The following YJU2 variants were observed in gnomAD, a reference collection of about 807,000 sequenced individuals.
YJU2 encodes the protein splicing factor YJU2.
In YJU2, 28 loss-of-function variants were observed where a neutral mutation model predicts 39.6. That is an observed-to-expected ratio of 0.71 (90% CI 0.52 to 0.97). The LOEUF is 0.97. YJU2 is among the 50% of genes least tolerant of loss of function. YJU2 has a pLI of 0.00. For missense variants in YJU2, 328 were observed against 430.4 expected, an observed-to-expected ratio of 0.76 and a Z score of 2.11; for synonymous variants, 184 against 182.4, an observed-to-expected ratio of 1.01 and a Z score of -0.07.
intron 3 of YJU2, among the ~76,000 whole-genome samples, chr19:4,252,689 T>G (rs1599497041): frequency 1.3e-5 from 2 of 151,800 alleles, no homozygotes; most frequent in East Asian, 3.9e-4. Context: ...CTTTGAGAGG[T>G]CAAGGGAGAA....
intron 2 of YJU2, among the ~76,000 whole-genome samples, chr19:4,250,742 C>CACAAAGA (rs1194520373): frequency 2.0e-5 from 3 of 151,974 alleles, no homozygotes; most frequent in African/African-American, 7.2e-5. Flanking sequence ...GCCCCGTAAG[C>CACAAAGA]ACAAAGATTG....
chr19:4,259,791 G>T (rs1971056370), intron 5 of YJU2, among the ~76,000 whole-genome samples: 1 of 152,134 alleles, frequency 6.6e-6, no homozygotes, highest in African/African-American at 2.4e-5. Flanking sequence ...ACAGGGACGT[G>T]GTGGCCTCTC....
chr19:4,264,467 C>T (rs926055888), intron 6 of YJU2, among the ~76,000 whole-genome samples: 8 of 150,018 alleles, frequency 5.3e-5, no homozygotes, highest in African/African-American at 1.5e-4. Flanking sequence ...ACCACCACGC[C>T]TGGCTAATTT....
chr19:4,248,716 C>T lies in YJU2; in HGVS notation c.25-512C>T, dbSNP rs149664208. 6.2e-3 allele frequency among the ~76,000 whole-genome samples: 944 copies of T among 152,164 alleles called. 13 individuals carry two copies. The highest frequency in any genetic ancestry group is 0.022 in the African/African-American group (904 of 41,494). On this transcript the variant is annotated intron_variant, in intron 1 of 7. Transcript: ENST00000262962. ...GGTGGATCACCTGAGGTCAGGAGTT[C>T]GAGACTAGCCTGGCCAACATGGTGA...
chr19:4,267,797 G>A (rs1453806849), intron 7 of YJU2, 23 bp downstream of exon 7: 17 of 1,598,478 alleles, frequency 1.1e-5, no homozygotes, highest in Non-Finnish European at 1.5e-5. Context: ...AGTTCCCAGA[G>A]CCGGGCGCGG....
chr19:4,253,393 A>G (rs1970993594), intron 3 of YJU2, among the ~76,000 whole-genome samples: 3 of 152,174 alleles, frequency 2.0e-5, no homozygotes, highest in Admixed American at 1.3e-4. Flanking sequence ...CCTGGGCAAC[A>G]TGGCGAAACC....
chr19:4,258,390 G>C lies in YJU2; in HGVS notation c.554G>C (p.Arg185Thr), dbSNP rs1329270144. ...QHRLSEEERR[R>T]QQQEEDEQET... The stretch of plus-strand genomic sequence containing the variant: ...CGCCTGTCGGAGGAGGAGCGGCGGA[G>C]GCAGCAGCAGGAGGAGGACGAGCAG... The change falls in exon 5 of 8, where the codon AGG becomes ACG. Residue 185 changes from arginine to threonine, a missense_variant. By Grantham distance (71) the Arg-to-Thr change is moderately conservative (BLOSUM62 -1). Around this residue, in one of 2 missense-constraint regions of YJU2, gnomAD observed 244 missense variants for 264.6 expected, o/e 0.92. Transcript: ENST00000262962. The C allele has an allele frequency of 6.3e-7, 1 of 1,596,682 alleles. No homozygotes were observed. The highest frequency in any genetic ancestry group is 8.5e-7 in the Non-Finnish European group (1 of 1,173,760).
intron 1 of YJU2, among the ~76,000 whole-genome samples, chr19:4,247,614 T>C (rs1180995833): frequency 0.013 from 196 of 14,784 alleles, 25 homozygotes; most frequent in East Asian, 0.033. Context: ...TGTGTGTGTG[T>C]GTGTGTGTGT....
At chr19:4,259,353 G>A (rs930309417) in intron 5 of YJU2, among the ~76,000 whole-genome samples, 1 of 151,826 alleles carries the variant, frequency 6.6e-6, no homozygotes, top group African/African-American at 2.4e-5. Context: ...TGCTGGGATT[G>A]CAGGCGTGAG....
intron 6 of YJU2, among the ~76,000 whole-genome samples, chr19:4,265,162 A>G (rs1223423115): frequency 6.6e-6 from 1 of 152,046 alleles, no homozygotes; most frequent in Admixed American, 6.6e-5. Flanking sequence ...TTTGGTTTTA[A>G]CGTGATTCAC....
Position 4,258,254 on chromosome 19 carries a change from C to A in YJU2, c.418C>A (p.Arg140=), listed in dbSNP as rs769486104. The A allele has an allele frequency of 2.6e-6, 4 of 1,553,132 alleles. No individual in the cohort carries two copies. The South Asian group carries it at 3.6e-5, about 14-fold the overall frequency. ...CCGCGCCCGCCAGGTGCTGGAGAAC[C>A]GGACCAAGGACTCCAAGCTGGAGAT... ...LNNPMKVLEN[R]TKDSKLEMEV... is the part of the protein sequence containing the mutation. Residue 140 remains arginine, a synonymous_variant, in exon 5 of 8, where the codon CGG becomes AGG. Transcript: ENST00000262962.
chr19:4,258,556 A>G (rs1342027974), intron 5 of YJU2, 133 bp downstream of exon 5: 2 of 1,363,346 alleles, frequency 1.5e-6, no homozygotes, highest in Non-Finnish European at 1.9e-6. Flanking sequence ...CGCCCATCTC[A>G]CTTTCTCCCT....
intron 6 of YJU2, among the ~76,000 whole-genome samples, chr19:4,263,627 T>C (rs1711757772): frequency 6.6e-6 from 1 of 151,256 alleles, no homozygotes; most frequent in Non-Finnish European, 1.5e-5. Flanking sequence ...CTGGCCAACA[T>C]GGAGAAACCC....
rs1970924005 is a variant in YJU2, at chr19:4,247,084, A to T, written c.-63A>T. ...TGCGGAAGTAAGGCTTCCGTCGGAA[A>T]AGCTCGATAATTACCCAGCCTAACC... is the stretch of plus-strand genomic sequence containing the variant. On this transcript the variant is annotated 5_prime_UTR_variant, in exon 1 of 8. Transcript: ENST00000262962. 5 of 1,522,946 alleles carry T rather than the reference A, an allele frequency of 3.3e-6. No individual in the cohort carries two copies. The highest frequency in any genetic ancestry group is 2.2e-5 in the East Asian group (1 of 44,474). The allele number at this position is 1,522,946 out of a possible 1,614,324, so 94.3% of individuals were successfully genotyped here.
chr19:4,249,413 T>C, intron 2 of YJU2, 85 bp downstream of exon 2: 1 of 834,408 alleles, frequency 1.2e-6, no homozygotes, highest in East Asian at 2.6e-5. Flanking sequence ...TCGTCCGGTG[T>C]TAAGACCAGA....
chr19:4,264,261 C>G (rs1427019112), intron 6 of YJU2, among the ~76,000 whole-genome samples: 1 of 43,940 alleles, frequency 2.3e-5, no homozygotes, highest in African/African-American at 7.7e-5. Flanking sequence ...GACTCTGTCT[C>G]AAAAAAAAAA....
At position 4,251,197 on chromosome 19, in the gene YJU2, G is replaced by A. The variant is rs1474765154; in HGVS notation, c.270+26G>A. 10 of 1,609,394 alleles carry A rather than the reference G, an allele frequency of 6.2e-6. No individual in the cohort carries two copies. In the African/African-American group the frequency reaches 1.3e-4, roughly 22 times the overall value. On this transcript the variant is annotated intron_variant, in intron 3 of 7. Transcript: ENST00000262962. ...GTAGGTGAGACGGCCGGCCAGGCCG[G>A]TCCCTCTCCCCCAGCACACCTCAGA...
Position 4,250,881 on chromosome 19 carries a change from A to G in YJU2, c.126-146A>G, listed in dbSNP as rs565717963. On this transcript the variant is annotated intron_variant, in intron 2 of 7. Transcript: ENST00000262962. ...TCTCAGGTAGAGGAAATTTGGACAC[A>G]GGGTGGGGCAGCCTGCCTCTTGAAG... is the stretch of plus-strand genomic sequence containing the variant. 30 of 776,508 alleles carry G rather than the reference A, an allele frequency of 3.9e-5. No individual in the cohort carries two copies. In the East Asian group the frequency reaches 7.4e-4, roughly 19 times the overall value. 48.1% of individuals were successfully genotyped at this position (776,508 alleles called of 1,614,324 possible).
Position 4,258,403 on chromosome 19 carries a change from G to A in YJU2, c.567G>A (p.Glu189=), listed in dbSNP as rs1469831947. 1 of 1,593,584 alleles carries A rather than the reference G, an allele frequency of 6.3e-7. No individual in the cohort carries two copies. The highest frequency in any genetic ancestry group is 1.8e-5 in the Admixed American group (1 of 56,294). Residue 189 remains glutamate, a synonymous_variant, in exon 5 of 8, where the codon GAG becomes GAA. Coordinates refer to ENST00000262962, the MANE Select transcript of YJU2 (RefSeq NM_018074.6). ...SEEERRRQQQ[E]EDEQETAALL... ...AGGAGCGGCGGAGGCAGCAGCAGGA[G>A]GAGGACGAGCAGGAGACCGCGTGAG...
Sources: gnomAD v4.1 joint callset for allele counts (sites outside exome capture counted in the v4.1 genomes callset) on GRCh38, gnomAD v4.1.1 for gene constraint, gnomAD v4.1.1 regional missense constraint, MANE v1.5 for transcripts, NCBI Gene and HGNC (gene_info 2026-07-23, HGNC 2026-07-21) for gene names.